Variants in ZCCHC7 observed in about 807,000 individuals in gnomAD.
ZCCHC7 encodes zinc finger CCHC-type containing 7, also known as zinc finger CCHC domain-containing protein 7.
In ZCCHC7, 35 loss-of-function variants were observed where a neutral mutation model predicts 52.0. The ratio of observed to expected loss-of-function variants is 0.67; its 90% CI spans 0.51 to 0.89. ZCCHC7 has a LOEUF of 0.89. ZCCHC7 is among the 40% of genes least tolerant of loss of function. ZCCHC7 has a pLI of 0.00. For missense variants in ZCCHC7, 574 were observed against 649.1 expected (o/e 0.88, Z 1.26); for synonymous variants, 217 against 221.5 (o/e 0.98, Z 0.18).
chr9:37,287,011 CCCTCCCTCCCTCCCTT>C (rs1828282333), intron 2 of ZCCHC7, among the ~76,000 whole-genome samples: 1 of 4,484 alleles, frequency 2.2e-4, no homozygotes, highest in Non-Finnish European at 9.1e-4. Flanking sequence ...TTCCCTCCCT[CCCTCCCTCCCTCCCTT>C]CCTTCCTCTC....
chr9:37,304,339 TC>T (rs972144681), intron 4 of ZCCHC7, 26 bp downstream of exon 4: 32 of 1,608,734 alleles, frequency 2.0e-5, no homozygotes, highest in Non-Finnish European at 2.7e-5. Context: ...TTTGCTTCTT[TC>T]CACATTTGTA....
intron 6 of ZCCHC7, among the ~76,000 whole-genome samples, chr9:37,336,098 A>G (rs547413220): frequency 1.3e-5 from 2 of 152,308 alleles, no homozygotes; most frequent in African/African-American, 2.4e-5. Flanking sequence ...AAGAAATGAA[A>G]CAAAATAGCA....
intron 2 of ZCCHC7, 24 bp downstream of exon 2, chr9:37,126,966 G>A (rs745830624): frequency 1.2e-6 from 2 of 1,606,098 alleles, no homozygotes; most frequent in African/African-American, 1.3e-5. Context: ...TGGCCATTTT[G>A]AAAGTAGTAT....
chr9:37,293,909 C>T (rs1222183083), intron 2 of ZCCHC7, among the ~76,000 whole-genome samples: 1 of 152,024 alleles, frequency 6.6e-6, no homozygotes, highest in East Asian at 1.9e-4. Flanking sequence ...TCCTCCTCTA[C>T]CTCTAAAAAA....
At chr9:37,236,562 T>A (rs1825663000) in intron 2 of ZCCHC7, among the ~76,000 whole-genome samples, 1 of 151,976 alleles carries the variant, frequency 6.6e-6, no homozygotes, top group African/African-American at 2.4e-5. Flanking sequence ...CGGCTAATTT[T>A]TTTTTGTATT....
chr9:37,244,360 A>G (rs191438627), intron 2 of ZCCHC7, among the ~76,000 whole-genome samples: 171 of 151,964 alleles, frequency 1.1e-3, no homozygotes, highest in African/African-American at 3.9e-3. Context: ...ATACCATAGT[A>G]TAGTGAGGGT....
intron 2 of ZCCHC7, among the ~76,000 whole-genome samples, chr9:37,219,638 G>A (rs919956401): frequency 3.3e-5 from 5 of 152,152 alleles, no homozygotes; most frequent in Non-Finnish European, 7.4e-5. Context: ...ATATTGAATA[G>A]GAAATGGTTC....
chr9:37,328,646 T>C (rs1830341189), intron 6 of ZCCHC7, among the ~76,000 whole-genome samples: 1 of 151,908 alleles, frequency 6.6e-6, no homozygotes, highest in Non-Finnish European at 1.5e-5. Flanking sequence ...TCTTAAGGTT[T>C]AGCATAGTTA....
intron 5 of ZCCHC7, among the ~76,000 whole-genome samples, chr9:37,310,120 TA>T (rs543783774): frequency 6.6e-6 from 1 of 152,204 alleles, no homozygotes; most frequent in Non-Finnish European, 1.5e-5. Context: ...GCTCATTGGT[TA>T]ACTACTTCTG....
intron 2 of ZCCHC7, among the ~76,000 whole-genome samples, chr9:37,151,074 C>T (rs1820494207): frequency 6.6e-6 from 1 of 151,236 alleles, no homozygotes; most frequent in South Asian, 2.1e-4. Context: ...ACGCCATTCT[C>T]CTGCCTAAGC....
intron 2 of ZCCHC7, chr9:37,187,186 C>T (rs1822707358): frequency 6.6e-6 from 1 of 152,250 alleles, no homozygotes; most frequent in Non-Finnish European, 1.5e-5. Flanking sequence ...GCAAATAATA[C>T]ATCTTTTCAA....
chr9:37,260,164 A>G (rs1404010346), intron 2 of ZCCHC7, among the ~76,000 whole-genome samples: 1 of 152,212 alleles, frequency 6.6e-6, no homozygotes, highest in Admixed American at 6.5e-5. Flanking sequence ...CTGGAGAGTT[A>G]ATATTTGCGC....
chr9:37,237,708 GA>G (rs1373635490), intron 2 of ZCCHC7, among the ~76,000 whole-genome samples: 1 of 152,190 alleles, frequency 6.6e-6, no homozygotes, highest in East Asian at 1.9e-4. Flanking sequence ...ACCTTTAGAA[GA>G]GATGTGACAT....
chr9:37,227,986 A>T (rs1397243304), intron 2 of ZCCHC7, among the ~76,000 whole-genome samples: 1 of 152,054 alleles, frequency 6.6e-6, no homozygotes, highest in Non-Finnish European at 1.5e-5. Flanking sequence ...TAGTAGAGAC[A>T]GGGTTTTGCC....
chr9:37,355,135 A>G (rs1324862139), intron 8 of ZCCHC7, among the ~76,000 whole-genome samples: 4 of 152,114 alleles, frequency 2.6e-5, no homozygotes, highest in Non-Finnish European at 4.4e-5. Flanking sequence ...TTTGACAGGT[A>G]ATTATTTTTT....
At chr9:37,222,325 CAG>C (rs1180549279) in intron 2 of ZCCHC7, among the ~76,000 whole-genome samples, 4 of 120,740 alleles carry the variant, frequency 3.3e-5, no homozygotes, top group Admixed American at 2.7e-4. Flanking sequence ...ACCAGAATAA[CAG>C]AGTGTGTGTG....
chr9:37,132,322 A>G (rs1033665097), intron 2 of ZCCHC7, among the ~76,000 whole-genome samples: 10 of 152,338 alleles, frequency 6.6e-5, no homozygotes, highest in Middle Eastern at 3.4e-3. Flanking sequence ...TACTAGTTCT[A>G]GGAGTAACTG....
At chr9:37,211,367 GGGTTTT>G (rs1386151732) in intron 2 of ZCCHC7, among the ~76,000 whole-genome samples, 7 of 151,994 alleles carry the variant, frequency 4.6e-5, no homozygotes, top group African/African-American at 1.7e-4. Flanking sequence ...GTTTGTTTTG[GGGTTTT>G]GGTTTTGGTT....
chr9:37,281,356 TAGAAG>T (rs1281252068), intron 2 of ZCCHC7, among the ~76,000 whole-genome samples: 1 of 152,130 alleles, frequency 6.6e-6, no homozygotes, highest in African/African-American at 2.4e-5. Flanking sequence ...AATACACAAA[TAGAAG>T]AGATTGTGAC....
Sources: allele counts gnomAD v4.1 joint callset (sites outside exome capture counted in the v4.1 genomes callset), GRCh38; gene constraint gnomAD v4.1.1; transcripts MANE v1.5; gene names NCBI Gene and HGNC (gene_info 2026-07-23, HGNC 2026-07-21).